RALGAPA1: variants seen among roughly 807,000 people sequenced by gnomAD.
The protein encoded by RALGAPA1 is ral GTPase-activating protein subunit alpha-1.
Under a neutral mutation model 269.6 loss-of-function variants are expected in RALGAPA1, and 52 were observed. That is an observed-to-expected ratio of 0.19 (90% CI 0.15 to 0.24). The LOEUF (loss-of-function observed/expected upper bound fraction) is 0.24. RALGAPA1 is among the 10% of genes least tolerant of loss of function. RALGAPA1 has a pLI of 1.00. For synonymous variants in RALGAPA1, 817 were observed against 1,008.3 expected (o/e 0.81, Z 3.60); for missense variants, 1,917 against 3,013.9 (o/e 0.64, Z 8.52).
chr14:35,599,828 CCA>C (rs141555434), intron 36 of RALGAPA1, among the ~76,000 whole-genome samples: 19,621 of 152,074 alleles, frequency 0.13, 2,142 homozygotes, highest in East Asian at 0.31. Context: ...CACCTGGCTC[CCA>C]CAGTTTCTGA....
At position 35,688,654 on chromosome 14, in the gene RALGAPA1, T is replaced by C. The variant is rs1252672025; in HGVS notation, c.3757A>G (p.Ser1253Gly). 2.6e-6 allele frequency: 4 copies of C among 1,515,096 alleles called. No individual in the cohort carries two copies. The highest frequency in any genetic ancestry group is 2.6e-6 in the Non-Finnish European group (3 of 1,138,748). 93.9% of individuals were successfully genotyped at this position (1,515,096 alleles called of 1,614,324 possible). A position where few individuals can be genotyped will look rare whatever the true frequency, so the allele number is the denominator to read the frequency against. Residue 1253 changes from serine (S) to glycine (G), a missense_variant, in exon 18 of 42, where the codon AGT becomes GGT. Physicochemically the swap from Ser to Gly is moderately conservative, Grantham distance 56. Coordinates refer to ENST00000680220, the MANE Select transcript of RALGAPA1 (RefSeq NM_001346249.2). ...TCATGACTTGATGACCTAAGAGTAC[T>C]ACGACTACCTAATTGACTACTTGCA... The part of the protein sequence containing the change: ...GIASSQLGSR[S>G]TLRSSSHEAG...
chr14:35,722,480 A>G (rs1448422279), intron 15 of RALGAPA1, among the ~76,000 whole-genome samples: 4 of 152,054 alleles, frequency 2.6e-5, no homozygotes, highest in Admixed American at 1.3e-4. Flanking sequence ...TTAGCTGAGC[A>G]TGGTGGCCTG....
In RALGAPA1 at chr14:35,721,041, A is replaced by G. The variant is rs548980636; in HGVS notation, c.2266+647T>C. On this transcript the variant is annotated intron_variant, in intron 16 of 41. Coordinates refer to ENST00000680220, the MANE Select transcript of RALGAPA1 (RefSeq NM_001346249.2). ...TATTTCTCATTGCAGTGCTTTTTCT[A>G]CTATAATTCAGCCAAGTTTATAAAC... is the stretch of plus-strand genomic sequence containing the variant. 1.1e-4 allele frequency among the ~76,000 whole-genome samples: 17 copies of G among 152,312 alleles called. No individual in the cohort carries two copies. The South Asian group carries it at 2.5e-3, about 22-fold the overall frequency.
chr14:35,712,204 G>T (rs367679776), intron 16 of RALGAPA1, among the ~76,000 whole-genome samples: 1 of 140,626 alleles, frequency 7.1e-6, no homozygotes, highest in Non-Finnish European at 1.5e-5. Context: ...GCCAGATCAC[G>T]CCAAGGCACT....
intron 1 of RALGAPA1, among the ~76,000 whole-genome samples, chr14:35,801,248 C>CACAG (rs2141920742): frequency 9.4e-6 from 1 of 106,922 alleles, no homozygotes; most frequent in South Asian, 2.8e-4. Flanking sequence ...TACACAGACA[C>CACAG]ACACACACAC....
chr14:35,788,802 C>A (rs773075475), intron 1 of RALGAPA1, among the ~76,000 whole-genome samples: 5 of 152,104 alleles, frequency 3.3e-5, no homozygotes, highest in Admixed American at 2.6e-4. Flanking sequence ...GTTTATGAAC[C>A]AAATTTCTTT....
intron 41 of RALGAPA1, among the ~76,000 whole-genome samples, chr14:35,546,621 G>T (rs1487984802): frequency 2.6e-5 from 4 of 151,842 alleles, no homozygotes; most frequent in Non-Finnish European, 5.9e-5. Context: ...TATACATAGG[G>T]TGTGCACAGG....
At chr14:35,562,902 TC>T (rs2056387138) in intron 39 of RALGAPA1, among the ~76,000 whole-genome samples, 1 of 151,162 alleles carries the variant, frequency 6.6e-6, no homozygotes, top group Admixed American at 6.6e-5. Context: ...GCACCTGTAG[TC>T]CCAGCGACTC....
At chr14:35,543,130 G>A (rs1409467577) in intron 41 of RALGAPA1, among the ~76,000 whole-genome samples, 1 of 152,160 alleles carries the variant, frequency 6.6e-6, no homozygotes, top group African/African-American at 2.4e-5. Context: ...ATTAAATGCC[G>A]ACTCTGTCAC....
intron 1 of RALGAPA1, among the ~76,000 whole-genome samples, chr14:35,779,054 T>C (rs1054259616): frequency 1.3e-5 from 2 of 152,094 alleles, no homozygotes; most frequent in African/African-American, 4.8e-5. Context: ...ATGTAATACA[T>C]CTGTAAAAAA....
At chr14:35,715,809 A>T (rs2068766967) in intron 16 of RALGAPA1, 1 of 985,292 alleles carries the variant, frequency 1.0e-6, no homozygotes, top group African/African-American at 1.7e-5. Flanking sequence ...TCTGAATCCC[A>T]GAAGTGATTA....
At chr14:35,769,990 A>T (rs926286383) in intron 4 of RALGAPA1, among the ~76,000 whole-genome samples, 8 of 152,206 alleles carry the variant, frequency 5.3e-5, no homozygotes, top group African/African-American at 1.9e-4. Flanking sequence ...AGATTGACAA[A>T]CTACAATACA....
intron 35 of RALGAPA1, among the ~76,000 whole-genome samples, chr14:35,619,573 G>C (rs146050112): frequency 0.014 from 2,124 of 152,166 alleles, 19 homozygotes; most frequent in South Asian, 0.025. Flanking sequence ...CTGGTTTTTT[G>C]AAAAGATCAA....
In RALGAPA1 at chr14:35,538,434, A is replaced by T. The variant is rs1362108186; in HGVS notation, c.*1280T>A. 4.6e-5 allele frequency: 7 copies of T among 152,620 alleles called. No homozygotes were observed. The highest frequency in any genetic ancestry group is 1.7e-4 in the African/African-American group (7 of 41,452). The allele number at this position is 152,620 out of a possible 1,614,324, so 9.5% of individuals were successfully genotyped here. A position where few individuals can be genotyped will look rare whatever the true frequency, so the allele number is the denominator to read the frequency against. Reference sequence around the variant, plus strand: ...CCCCCCACTGTTACAAATTATAGATACTACATGAATGATGATACATAATTT... The same window carrying T: ...CCCCCCACTGTTACAAATTATAGATTCTACATGAATGATGATACATAATTT... On this transcript the variant is annotated 3_prime_UTR_variant, in exon 42 of 42. Transcript: ENST00000680220.
At chr14:35,738,678 T>C (rs749652126) in intron 11 of RALGAPA1, 28 bp from the exon 12 acceptor site, 1 of 1,584,632 alleles carries the variant, frequency 6.3e-7, no homozygotes, top group South Asian at 1.1e-5. Flanking sequence ...GTTTTTAATA[T>C]TTCATTACTA....
In RALGAPA1 at chr14:35,808,857, G is replaced by A. The variant is rs1002298292; in HGVS notation, c.-22C>T. On this transcript the variant is annotated 5_prime_UTR_variant, in exon 1 of 42. Transcript: ENST00000680220. ...ACATCCTGTCGCTGCCACTGCCACT[G>A]CCACTGCCACAGCCGGCTCCCAGCC... is the stretch of plus-strand genomic sequence containing the variant. The A allele has an allele frequency of 1.1e-5, 18 of 1,600,730 alleles. 1 individual carries two copies. The highest frequency in any genetic ancestry group is 2.2e-5 in the South Asian group (2 of 89,392).
intron 1 of RALGAPA1, among the ~76,000 whole-genome samples, chr14:35,792,050 G>A (rs2141799143): frequency 6.6e-6 from 1 of 152,082 alleles, no homozygotes; most frequent in East Asian, 1.9e-4. Flanking sequence ...AGCTGAAAAG[G>A]GAGGCTAGGA....
chr14:35,783,998 G>T (rs190444152), intron 1 of RALGAPA1, among the ~76,000 whole-genome samples: 35 of 152,110 alleles, frequency 2.3e-4, no homozygotes, highest in African/African-American at 8.0e-4. Flanking sequence ...AAAACAGTGT[G>T]GCAGGTCCCT....
intron 1 of RALGAPA1, 121 bp downstream of exon 1, chr14:35,808,609 A>C: frequency 9.7e-7 from 1 of 1,034,860 alleles, no homozygotes; most frequent in Non-Finnish European, 1.4e-6. Context: ...GCGTCTCCGC[A>C]GAGGCTACGA....
Sources: allele counts gnomAD v4.1 joint callset (sites outside exome capture counted in the v4.1 genomes callset), GRCh38; gene constraint gnomAD v4.1.1; transcripts MANE v1.5; gene names NCBI Gene and HGNC (gene_info 2026-07-23, HGNC 2026-07-21).